The following EML5 variants were observed in gnomAD, a reference collection of about 807,000 sequenced individuals.
EML5 encodes echinoderm microtubule-associated protein-like 5.
In EML5, 120 loss-of-function variants were observed where a neutral mutation model predicts 250.0. That is an observed-to-expected ratio of 0.48 (90% CI 0.41 to 0.56). The LOEUF is 0.56. Among genes scored for constraint, EML5 ranks in the 20% least tolerant of loss-of-function variants. The pLI, the probability that EML5 is intolerant of heterozygous loss-of-function variation, is 0.00. For synonymous variants in EML5, 771 were observed against 806.5 expected, an observed-to-expected ratio of 0.96 and a Z score of 0.75; for missense variants, 2,006 against 2,437.6, an observed-to-expected ratio of 0.82 and a Z score of 3.73.
At chr14:88,618,062 T>C (rs2088030305) in intron 41 of EML5, 166 bp downstream of exon 41, 2 of 439,366 alleles carry the variant, frequency 4.6e-6, no homozygotes, top group African/African-American at 2.0e-5. Flanking sequence ...GGAAATATAT[T>C]CAATAAAAAG....
At chr14:88,665,636 G>A (rs773420953) in intron 21 of EML5, 147 bp from the exon 22 acceptor site, 353 of 988,866 alleles carry the variant, frequency 3.6e-4, no homozygotes, top group Non-Finnish European at 4.8e-4. Flanking sequence ...AGACCAGCCC[G>A]GGCAACATAG....
At chr14:88,632,203 G>T (rs1325084853) in intron 33 of EML5, among the ~76,000 whole-genome samples, 2 of 152,076 alleles carry the variant, frequency 1.3e-5, no homozygotes, top group East Asian at 3.9e-4. Context: ...TAATCAGAAA[G>T]GATAACTGGC....
At chr14:88,763,952 A>C (rs1258498608) in intron 1 of EML5, among the ~76,000 whole-genome samples, 1 of 152,240 alleles carries the variant, frequency 6.6e-6, no homozygotes, top group Non-Finnish European at 1.5e-5. Context: ...AATATGAATA[A>C]GTATTAAATT....
At chr14:88,665,189 C>T (rs1046052508) in intron 22 of EML5, 148 bp downstream of exon 22, 21 of 808,332 alleles carry the variant, frequency 2.6e-5, no homozygotes, top group Non-Finnish European at 3.7e-5. Flanking sequence ...AATCTAACAA[C>T]AGGGCTTTTA....
intron 27 of EML5, among the ~76,000 whole-genome samples, chr14:88,650,485 C>G (rs1595371532): frequency 6.6e-6 from 1 of 152,008 alleles, no homozygotes; most frequent in Non-Finnish European, 1.5e-5. Context: ...AAAATAAAAA[C>G]AAAAACATTT....
intron 10 of EML5, 114 bp from the exon 11 acceptor site, chr14:88,706,540 TG>T: frequency 1.3e-6 from 1 of 797,622 alleles, no homozygotes; most frequent in South Asian, 3.3e-5. Flanking sequence ...TATAAACAAA[TG>T]GGAAAAATGC....
chr14:88,692,990 G>A (rs2092994239), intron 17 of EML5, among the ~76,000 whole-genome samples: 1 of 151,880 alleles, frequency 6.6e-6, no homozygotes, highest in African/African-American at 2.4e-5. Context: ...TCACATTGAT[G>A]GAATTTATAA....
intron 31 of EML5, among the ~76,000 whole-genome samples, chr14:88,640,765 A>T (rs989923167): frequency 2.6e-5 from 4 of 152,092 alleles, no homozygotes; most frequent in African/African-American, 9.7e-5. Context: ...TCAACAAAAT[A>T]AAAAAATCGG....
chr14:88,725,988 C>T (rs1485163033), intron 8 of EML5, among the ~76,000 whole-genome samples: 1 of 152,180 alleles, frequency 6.6e-6, no homozygotes, highest in Non-Finnish European at 1.5e-5. Context: ...AAGTACTTAT[C>T]CTGTGGATCT....
chr14:88,730,643 T>G (rs2140135014), intron 7 of EML5, among the ~76,000 whole-genome samples: 1 of 152,340 alleles, frequency 6.6e-6, no homozygotes, highest in Middle Eastern at 3.4e-3. Flanking sequence ...CAGATACTAC[T>G]CAATTGTTTA....
intron 1 of EML5, among the ~76,000 whole-genome samples, chr14:88,775,194 G>A (rs2094435100): frequency 1.3e-5 from 2 of 152,234 alleles, no homozygotes; most frequent in South Asian, 4.1e-4. Context: ...ATCAACTGTG[G>A]TGGCCATGGG....
rs1408683934 is a variant in EML5, at chr14:88,706,393, G to A, written c.1691C>T (p.Ala564Val). The change falls in exon 11 of 44, where the codon GCT becomes GTT. Residue 564 changes from alanine (A) to valine (V), a missense_variant. Transcript: ENST00000554922. Reference protein sequence around the residue: ...AKFRKYIGHSAHVTNVRWSHD... With the variant: ...AKFRKYIGHSVHVTNVRWSHD... ...TGACCATCTGACATTAGTTACGTGA[G>A]CTGAATGGCCAATATATTTTCTAAA... 1.3e-5 allele frequency: 20 copies of A among 1,598,968 alleles called. No homozygotes were observed. The highest frequency in any genetic ancestry group is 1.7e-5 in the Non-Finnish European group (20 of 1,173,666).
chr14:88,662,354 T>TTG (rs1366267316), intron 24 of EML5, among the ~76,000 whole-genome samples: 1 of 142,448 alleles, frequency 7.0e-6, no homozygotes, highest in East Asian at 2.0e-4. Flanking sequence ...TTTTTTTTTT[T>TTG]TTTTTTTTTT....
intron 7 of EML5, among the ~76,000 whole-genome samples, chr14:88,729,856 CG>C: frequency 7.4e-6 from 1 of 134,236 alleles, no homozygotes. Flanking sequence ...CCACCACACT[CG>C]GTCTTGTTTT....
intron 1 of EML5, among the ~76,000 whole-genome samples, chr14:88,769,584 A>G (rs2094365751): frequency 1.3e-5 from 2 of 152,238 alleles, no homozygotes; most frequent in African/African-American, 4.8e-5. Flanking sequence ...ATGCACTTGT[A>G]AAATACTGAG....
chr14:88,618,528 G>A, intron 40 of EML5, 122 bp downstream of exon 40: 3 of 1,230,928 alleles, frequency 2.4e-6, no homozygotes, highest in Admixed American at 2.6e-5. Flanking sequence ...TAGGTCAGAA[G>A]GTACAAAGGG....
At chr14:88,779,883 ACT>A (rs920280075) in intron 1 of EML5, among the ~76,000 whole-genome samples, 4 of 152,202 alleles carry the variant, frequency 2.6e-5, no homozygotes, top group African/African-American at 9.6e-5. Context: ...CAAATCCAGA[ACT>A]ACAAAATTTT....
At chr14:88,660,258 G>C (rs1479235474) in intron 25 of EML5, among the ~76,000 whole-genome samples, 2 of 150,372 alleles carry the variant, frequency 1.3e-5, no homozygotes, top group Non-Finnish European at 2.9e-5. Context: ...ATTCCAGCCT[G>C]GGTCACAGAG....
intron 27 of EML5, among the ~76,000 whole-genome samples, chr14:88,654,793 G>A (rs995403680): frequency 6.6e-6 from 1 of 152,096 alleles, no homozygotes. Context: ...ATGTCTATTA[G>A]GTCCGTTTGT....
Sources: gnomAD v4.1 joint callset for allele counts (sites outside exome capture counted in the v4.1 genomes callset) on GRCh38, gnomAD v4.1.1 for gene constraint, MANE v1.5 for transcripts, NCBI Gene and HGNC (gene_info 2026-07-23, HGNC 2026-07-21) for gene names.